Variants in SYT16 observed in about 807,000 individuals in gnomAD.
SYT16 encodes synaptotagmin 16.
Under a neutral mutation model 61.4 loss-of-function variants are expected in SYT16, and 42 were observed. The ratio of observed to expected loss-of-function variants is 0.68; its 90% CI spans 0.53 to 0.89. The LOEUF is 0.89. Ranked by LOEUF, SYT16 falls within the 40% of genes least tolerant of loss-of-function variation. SYT16 has a pLI of 0.00. For synonymous variants in SYT16, 314 were observed against 302.3 expected (o/e 1.04, Z -0.40); for missense variants, 804 against 807.3 (o/e 1.00, Z 0.05).
At chr14:61,973,831 GGGCAGACCATAACTT>G (rs1279737183) in intron 2 of SYT16, among the ~76,000 whole-genome samples, 1 of 152,156 alleles carries the variant, frequency 6.6e-6, no homozygotes, top group African/African-American at 2.4e-5. Context: ...CTTCTGGAAA[GGGCAGACCATAACTT>G]GAAGTGGTGA....
chr14:61,878,147 A>G (rs2047564298), intron 1 of SYT16, among the ~76,000 whole-genome samples: 1 of 152,220 alleles, frequency 6.6e-6, no homozygotes, highest in Non-Finnish European at 1.5e-5. Context: ...TAAAAGGACC[A>G]TGAGATGTAG....
At chr14:62,044,072 A>G (rs2054860889) in intron 3 of SYT16, among the ~76,000 whole-genome samples, 1 of 151,994 alleles carries the variant, frequency 6.6e-6, no homozygotes, top group Non-Finnish European at 1.5e-5. Flanking sequence ...TCAATCACAC[A>G]TGGATCAAAA....
Position 61,970,232 on chromosome 14 carries a change from G to C in SYT16, c.-224G>C, listed in dbSNP as rs571654811. 4 of 152,078 alleles carry C rather than the reference G, an allele frequency of 2.6e-5. No individual in the cohort carries two copies. Among genetic ancestry groups the C allele is most frequent in the African/African-American group, 9.7e-5 (4 of 41,410 alleles). 9.4% of individuals were successfully genotyped at this position (152,078 alleles called of 1,614,324 possible). The stretch of plus-strand genomic sequence containing the variant: ...TCAACAAGAAGCTGTGTTTTGAAAC[G>C]ATAGGAGGCCTTCCTTTCCTGGAGC... On this transcript the variant is annotated 5_prime_UTR_variant, in exon 2 of 8. Transcript: ENST00000683842.
intron 3 of SYT16, among the ~76,000 whole-genome samples, chr14:62,015,957 C>G (rs1178204225): frequency 6.6e-6 from 1 of 152,192 alleles, no homozygotes. Context: ...AGATATAAGG[C>G]AAGACATATG....
At chr14:61,934,057 T>A (rs1270684597) in intron 1 of SYT16, among the ~76,000 whole-genome samples, 1 of 152,196 alleles carries the variant, frequency 6.6e-6, no homozygotes, top group Non-Finnish European at 1.5e-5. Context: ...ATTGTTTTTG[T>A]GGAAATAAAG....
chr14:61,892,049 T>C (rs577696062), intron 1 of SYT16, among the ~76,000 whole-genome samples: 67 of 152,104 alleles, frequency 4.4e-4, no homozygotes, highest in African/African-American at 1.5e-3. Context: ...AAGATCTCAC[T>C]TCCCTGCCTC....
At chr14:61,815,395 C>T (rs2045396826) in intron 1 of SYT16, among the ~76,000 whole-genome samples, 1 of 152,130 alleles carries the variant, frequency 6.6e-6, no homozygotes, top group African/African-American at 2.4e-5. Flanking sequence ...TCCCTCAACC[C>T]CCATTTTTCT....
chr14:61,976,492 C>T (rs2051809338), intron 2 of SYT16, among the ~76,000 whole-genome samples: 1 of 152,202 alleles, frequency 6.6e-6, no homozygotes, highest in African/African-American at 2.4e-5. Context: ...CATTTTCATA[C>T]ATCCTCTGAA....
At chr14:62,058,094 G>A (rs1251751225) in intron 3 of SYT16, among the ~76,000 whole-genome samples, 1 of 152,056 alleles carries the variant, frequency 6.6e-6, no homozygotes, top group Non-Finnish European at 1.5e-5. Flanking sequence ...TCGTGTTGTT[G>A]CAGGTATAAA....
chr14:62,081,253 G>A lies in SYT16; in HGVS notation c.1413G>A (p.Leu471=), dbSNP rs776611703. 9.3e-6 allele frequency: 15 copies of A among 1,613,632 alleles called. No homozygotes were observed. The highest frequency in any genetic ancestry group is 1.2e-5 in the Non-Finnish European group (14 of 1,179,798). The part of the protein sequence containing the change: ...PEGEMKVTLV[L]EPRSNISSGG... ...GGGAAATGAAAGTGACTCTGGTTCTGGAGCCAAGAAGTAATATAAGCGTGA... is the reference window on the plus strand; with the variant it reads ...GGGAAATGAAAGTGACTCTGGTTCTAGAGCCAAGAAGTAATATAAGCGTGA... Residue 471 remains leucine (L), a synonymous_variant, in exon 6 of 8, where the codon CTG becomes CTA. Transcript: ENST00000683842.
At chr14:61,983,747 C>G (rs1036118448) in intron 2 of SYT16, among the ~76,000 whole-genome samples, 2 of 152,076 alleles carry the variant, frequency 1.3e-5, no homozygotes, top group African/African-American at 4.8e-5. Context: ...AGGCTGGTCT[C>G]GAATTCCTGG....
chr14:61,829,985 T>C (rs557751374), intron 1 of SYT16, among the ~76,000 whole-genome samples: 22 of 152,314 alleles, frequency 1.4e-4, no homozygotes, highest in African/African-American at 5.3e-4. Flanking sequence ...CACTGATCTC[T>C]TTCCTCTGTC....
At chr14:62,025,653 AT>A (rs1164675198) in intron 3 of SYT16, among the ~76,000 whole-genome samples, 1 of 151,780 alleles carries the variant, frequency 6.6e-6, no homozygotes, top group African/African-American at 2.4e-5. Context: ...TGAAATGTTT[AT>A]TTTTTTCATA....
At chr14:61,844,751 T>C (rs1438177696) in intron 1 of SYT16, among the ~76,000 whole-genome samples, 1 of 152,196 alleles carries the variant, frequency 6.6e-6, no homozygotes, top group Non-Finnish European at 1.5e-5. Flanking sequence ...TTATAATGAA[T>C]GATCTTTTTA....
At chr14:62,073,517 T>C (rs2056374679) in intron 4 of SYT16, among the ~76,000 whole-genome samples, 2 of 152,150 alleles carry the variant, frequency 1.3e-5, no homozygotes, top group South Asian at 4.1e-4. Context: ...TAACCGAAAG[T>C]CTGGATGTAA....
intron 6 of SYT16, among the ~76,000 whole-genome samples, chr14:62,083,574 A>G (rs973341486): frequency 1.3e-5 from 2 of 152,110 alleles, no homozygotes; most frequent in African/African-American, 4.8e-5. Flanking sequence ...CCCACAACCC[A>G]TGTGTTGTCT....
chr14:61,945,778 C>T (rs1302651740), intron 1 of SYT16, among the ~76,000 whole-genome samples: 1 of 142,828 alleles, frequency 7.0e-6, no homozygotes, highest in African/African-American at 2.5e-5. Context: ...ATGGCGTGAA[C>T]CCGGGAGGCG....
Position 61,910,611 on chromosome 14 carries a change from A to G in SYT16, c.-324-59521A>G, listed in dbSNP as rs377511188. Among the ~76,000 whole-genome samples the G allele has an allele frequency of 2.0e-5, 3 of 148,280 alleles. No individual in the cohort carries two copies. The South Asian group carries it at 6.4e-4, about 32-fold the overall frequency. ...AGTGGCATGATCTCAGCTCACTGCA[A>G]CCTCTGCCTCCCGGATTCAAAGATT... On this transcript the variant is annotated intron_variant, in intron 1 of 7. Coordinates refer to ENST00000683842, the MANE Select transcript of SYT16 (RefSeq NM_001367656.1).
At chr14:62,068,365 AAAAACAAAAC>A (rs57308262) in intron 3 of SYT16, among the ~76,000 whole-genome samples, 65,456 of 150,306 alleles carry the variant, frequency 0.44, 17,770 homozygotes, top group African/African-American at 0.77. Flanking sequence ...TGGAATCTAA[AAAAACAAAAC>A]AAAACAAAAC....
Sources: allele counts gnomAD v4.1 joint callset (sites outside exome capture counted in the v4.1 genomes callset), GRCh38; gene constraint gnomAD v4.1.1; transcripts MANE v1.5; gene names NCBI Gene and HGNC (gene_info 2026-07-23, HGNC 2026-07-21).